The following HEATR1 variants were observed in gnomAD, a reference collection of about 807,000 sequenced individuals.
HEATR1 encodes HEAT repeat containing 1, also known as HEAT repeat-containing protein 1.
HEATR1 carries 77 observed loss-of-function variants against 248.2 expected under a neutral mutation model. The observed-to-expected ratio is 0.31, with a 90% CI of 0.26 to 0.37. The LOEUF (loss-of-function observed/expected upper bound fraction) is 0.37. HEATR1 is among the 10% of genes least tolerant of loss of function. HEATR1 has a pLI of 1.00. For synonymous variants in HEATR1, 897 were observed against 923.1 expected, an observed-to-expected ratio of 0.97 and a Z score of 0.51; for missense variants, 2,420 against 2,504.9, an observed-to-expected ratio of 0.97 and a Z score of 0.72.
chr1:236,574,721 C>A lies in HEATR1; in HGVS notation c.3267G>T (p.Val1089=). ...CCGCGTAAAGTTCCTTTGTTGTGTG[C>A]ACAGCTTTTATAAATATATCTAGAC... ...PKSLDIFIKA[V]HTTKELYAGM... The change falls in exon 23 of 45, where the codon GTG becomes GTT. Residue 1089 remains valine, a synonymous_variant. Coordinates refer to ENST00000366582, the MANE Select transcript of HEATR1 (RefSeq NM_018072.6). 1 of 1,613,820 alleles carries A rather than the reference C, an allele frequency of 6.2e-7. No homozygotes were observed. The highest frequency in any genetic ancestry group is 8.5e-7 in the Non-Finnish European group (1 of 1,179,806).
At position 236,588,039 on chromosome 1, in the gene HEATR1, C is replaced by T. The variant is rs770177219; in HGVS notation, c.1535G>A (p.Gly512Asp). ...TTCTTTTATGAAAGATTCATCAACA[C>T]CCTCCTGAGCAATAAAAGAAAAACA... is the stretch of plus-strand genomic sequence containing the variant. ...LKKIMKTSKE[G>D]VDESFIKEAV... The change falls in exon 13 of 45, where the codon GGT becomes GAT. Residue 512 changes from glycine to aspartate, a missense_variant. Transcript: ENST00000366582. The T allele has an allele frequency of 1.2e-6, 2 of 1,606,272 alleles. No homozygotes were observed. Among genetic ancestry groups the T allele is most frequent in the Non-Finnish European group, 1.7e-6 (2 of 1,176,114 alleles).
At position 236,566,809 on chromosome 1, in the gene HEATR1, A is replaced by G; in HGVS notation, c.4145T>C (p.Val1382Ala). ...GACGTGTGGCAGCGCATCCACAAAT[A>G]CACTAATGATTTTTACCACAATCTC... ...VEEIVVKIIS[V>A]FVDALPHVPE... is the part of the protein sequence containing the mutation. Residue 1382 changes from valine (V) to alanine (A), a missense_variant, in exon 30 of 45, where the codon GTA (valine) becomes GCA (alanine). By Grantham distance (64) the Val-to-Ala change is moderately conservative. Transcript: ENST00000366582. 5.0e-6 allele frequency: 8 copies of G among 1,614,130 alleles called. No homozygotes were observed. The highest frequency in any genetic ancestry group is 5.9e-6 in the Non-Finnish European group (7 of 1,180,026).
intron 28 of HEATR1, among the ~76,000 whole-genome samples, 158 bp from the exon 29 acceptor site, chr1:236,569,282 C>T (rs1322534566): frequency 6.6e-6 from 1 of 152,096 alleles, no homozygotes; most frequent in Non-Finnish European, 1.5e-5. Flanking sequence ...CTCAAGCAAT[C>T]CTTCCACCTC....
rs1198973695 is a variant in HEATR1, at chr1:236,576,981, C to T, written c.2756-32G>A. 18 of 1,523,272 alleles carry T rather than the reference C, an allele frequency of 1.2e-5. No individual in the cohort carries two copies. The Admixed American group carries it at 3.7e-4, about 31-fold the overall frequency. The allele number at this position is 1,523,272 out of a possible 1,614,324, so 94.4% of individuals were successfully genotyped here. On this transcript the variant is annotated intron_variant, in intron 20 of 44. Coordinates refer to ENST00000366582, the MANE Select transcript of HEATR1 (RefSeq NM_018072.6). ...TCAAAGGAAAAAAAAATTTAAGAAACAATTTTAAAAACTGAAACAGTACAA... is the reference window on the plus strand; with the variant it reads ...TCAAAGGAAAAAAAAATTTAAGAAATAATTTTAAAAACTGAAACAGTACAA...
At chr1:236,593,670 T>C (rs968641105) in intron 9 of HEATR1, among the ~76,000 whole-genome samples, 3 of 151,750 alleles carry the variant, frequency 2.0e-5, no homozygotes, top group African/African-American at 7.3e-5. Flanking sequence ...TGTTTCTAAA[T>C]GACATTTACT....
rs1335520924 is a variant in HEATR1, at chr1:236,603,301, A to T, written c.218T>A (p.Leu73Gln). Reference protein sequence around the residue: ...EQFEAPLFSQLAKTLERSVQT... With the variant: ...EQFEAPLFSQQAKTLERSVQT... ...AACACTTCGCTCCAAGGTTTTTGCT[A>T]GCTGACTGAACAACGGTGCTTCAAA... The change falls in exon 3 of 45, where the codon CTA becomes CAA. Residue 73 changes from leucine (L) to glutamine (Q), a missense_variant. Leu to Gln is a moderately radical substitution (Grantham distance 113). Transcript: ENST00000366582. 6.2e-7 allele frequency: 1 copy of T among 1,614,196 alleles called. No individual in the cohort carries two copies. Among genetic ancestry groups the T allele is most frequent in the Non-Finnish European group, 8.5e-7 (1 of 1,180,014 alleles).
intron 20 of HEATR1, among the ~76,000 whole-genome samples, chr1:236,580,584 A>T (rs1269512372): frequency 4.9e-5 from 7 of 141,802 alleles, no homozygotes; most frequent in African/African-American, 1.8e-4. Context: ...TGGTGCAATC[A>T]CAGCTCACTG....
At chr1:236,599,090 CT>C (rs1275358813) in intron 4 of HEATR1, among the ~76,000 whole-genome samples, 1 of 152,018 alleles carries the variant, frequency 6.6e-6, no homozygotes, top group Non-Finnish European at 1.5e-5. Flanking sequence ...TCACCTTCAA[CT>C]TTTTTTTAAG....
At chr1:236,576,000 A>G (rs1186507733) in intron 22 of HEATR1, among the ~76,000 whole-genome samples, 1 of 152,160 alleles carries the variant, frequency 6.6e-6, no homozygotes, top group African/African-American at 2.4e-5. Context: ...GGGACAACAC[A>G]TTTAATTTTA....
intron 24 of HEATR1, 134 bp from the exon 25 acceptor site, chr1:236,572,962 C>A (rs1281233164): frequency 6.4e-6 from 5 of 778,326 alleles, no homozygotes; most frequent in East Asian, 2.5e-5. Context: ...TCTGAACCCC[C>A]CCCAGCATTG....
intron 32 of HEATR1, among the ~76,000 whole-genome samples, chr1:236,563,548 A>G (rs544644448): frequency 6.6e-6 from 1 of 152,294 alleles, no homozygotes; most frequent in Admixed American, 6.5e-5. Flanking sequence ...CTGGGATTAC[A>G]GGTGTGAGCG....
Position 236,590,939 on chromosome 1 carries a change from C to A in HEATR1, c.1438G>T (p.Asp480Tyr). 1 of 1,480,106 alleles carries A rather than the reference C, an allele frequency of 6.8e-7. No homozygotes were observed. The highest frequency in any genetic ancestry group is 1.5e-5 in the South Asian group (1 of 66,642). The allele number at this position is 1,480,106 out of a possible 1,614,324, so 91.7% of individuals were successfully genotyped here. A position where few individuals can be genotyped will look rare whatever the true frequency, so the allele number is the denominator to read the frequency against. ...TTCAGGCTGAGCATCAAAGAAGTATCAGAATCTGCTAAAAACTACAGGGTT... is the reference window on the plus strand; with the variant it reads ...TTCAGGCTGAGCATCAAAGAAGTATAAGAATCTGCTAAAAACTACAGGGTT... ...GGKYQFLADS[D>Y]TSLMLSLNHP... The change falls in exon 12 of 45, where the codon GAT becomes TAT. Residue 480 changes from aspartate to tyrosine, a missense_variant. Transcript: ENST00000366582.
intron 20 of HEATR1, among the ~76,000 whole-genome samples, chr1:236,579,236 AC>A: frequency 6.6e-6 from 1 of 152,278 alleles, no homozygotes; most frequent in East Asian, 1.9e-4. Context: ...CAGTGTCCCC[AC>A]AGAAAAAAAG....
chr1:236,564,605 G>C lies in HEATR1; in HGVS notation c.4492C>G (p.Gln1498Glu). Residue 1498 changes from glutamine to glutamate, a missense_variant, in exon 32 of 45, where the codon CAG (glutamine) becomes GAG (glutamate). By Grantham distance (29) the Gln-to-Glu change is conservative. Coordinates refer to ENST00000366582, the MANE Select transcript of HEATR1 (RefSeq NM_018072.6). ...GTGTGAGTCTCTACATTAAAAACCT[G>C]TAGCATTTCTTCTTGTGATTCACTC... Reference protein sequence around the residue: ...NKSESQEEMLQVFNVETHTSK... With the variant: ...NKSESQEEMLEVFNVETHTSK... 1 of 1,613,774 alleles carries C rather than the reference G, an allele frequency of 6.2e-7. No individual in the cohort carries two copies. The highest frequency in any genetic ancestry group is 8.5e-7 in the Non-Finnish European group (1 of 1,179,966).
chr1:236,585,137 A>G lies in HEATR1; in HGVS notation c.2129T>C (p.Val710Ala), dbSNP rs1244388471. Residue 710 changes from valine to alanine, a missense_variant, in exon 17 of 45, where the codon GTG becomes GCG. Val to Ala is a moderately conservative substitution (Grantham distance 64). Transcript: ENST00000366582. Reference protein sequence around the residue: ...QKVTFHVILSVLVSCCSSLKE... With the variant: ...QKVTFHVILSALVSCCSSLKE... ...TAAAGATGAACAACAAGAGACGAGC[A>G]CAGACAGGATCACATGAAACGTTAC... 1.2e-6 allele frequency: 2 copies of G among 1,614,130 alleles called. No individual in the cohort carries two copies. Among genetic ancestry groups the G allele is most frequent in the Admixed American group, 1.7e-5 (1 of 60,018 alleles).
chr1:236,576,164 C>A, intron 22 of HEATR1, 55 bp downstream of exon 22: 2 of 1,383,220 alleles, frequency 1.4e-6, no homozygotes, highest in African/African-American at 1.5e-5. Flanking sequence ...CAAGCAGTTA[C>A]AACAATTCTT....
chr1:236,602,899 G>C (rs999834946), intron 3 of HEATR1: 2 of 349,470 alleles, frequency 5.7e-6, no homozygotes, highest in Admixed American at 8.6e-5. Context: ...ACTCCAGCCT[G>C]AGTGCCCAGC....
In HEATR1 at chr1:236,564,894, A is replaced by G. The variant is rs542137960; in HGVS notation, c.4436-233T>C. 6.6e-5 allele frequency among the ~76,000 whole-genome samples: 10 copies of G among 152,214 alleles called. No individual in the cohort carries two copies. The South Asian group carries it at 1.9e-3, about 28-fold the overall frequency. ...GAAGCGAGTGTTTAAGACAAAAAACAAAACAGGGAAACTGGACAATCAAAT... is the reference window on the plus strand; with the variant it reads ...GAAGCGAGTGTTTAAGACAAAAAACGAAACAGGGAAACTGGACAATCAAAT... On this transcript the variant is annotated intron_variant, in intron 31 of 44. Coordinates refer to ENST00000366582, the MANE Select transcript of HEATR1 (RefSeq NM_018072.6).
At position 236,572,831 on chromosome 1, in the gene HEATR1, G is replaced by A. The variant is rs902895217; in HGVS notation, c.3460-3C>T. On this transcript the variant is annotated splice_polypyrimidine_tract_variant and splice_region_variant and intron_variant, in intron 24 of 44. Coordinates refer to ENST00000366582, the MANE Select transcript of HEATR1 (RefSeq NM_018072.6). ...ACTTGTTCAGCATTAACGGAAATCT[G>A]AAATATTGAAGGAAGAAGAGTTGAT... 3 of 1,610,546 alleles carry A rather than the reference G, an allele frequency of 1.9e-6. No homozygotes were observed. In the African/African-American group the frequency reaches 4.0e-5, roughly 22 times the overall value.
Sources: allele counts gnomAD v4.1 joint callset (sites outside exome capture counted in the v4.1 genomes callset), GRCh38; gene constraint gnomAD v4.1.1; transcripts MANE v1.5; gene names NCBI Gene and HGNC (gene_info 2026-07-23, HGNC 2026-07-21).